Variants in EPHX2 observed in about 807,000 individuals in gnomAD.
The protein encoded by EPHX2 is epoxide hydrolase 2.
A neutral mutation model predicts 78.7 loss-of-function variants in EPHX2; 74 were observed. The ratio of observed to expected loss-of-function variants is 0.94; its 90% CI spans 0.78 to 1.14. EPHX2 has a LOEUF of 1.14. EPHX2 is among the 50% of genes most tolerant of loss of function. EPHX2 has a pLI of 0.00. For missense variants in EPHX2, 715 were observed against 702.5 expected (o/e 1.02, Z -0.20); for synonymous variants, 251 against 255.2 (o/e 0.98, Z 0.16).
chr8:27,529,359 T>C (rs1814956150), intron 12 of EPHX2, among the ~76,000 whole-genome samples: 1 of 152,204 alleles, frequency 6.6e-6, no homozygotes, highest in African/African-American at 2.4e-5. Context: ...GCTGGGTCAT[T>C]TCAGCTTAGC....
In EPHX2 at chr8:27,544,544, C is replaced by T. The variant is rs776419985; in HGVS notation, c.*22C>T. ...GTAGAACGCAGCGTGTGCCCACGCT[C>T]AGCAGGTGTGCCATCCTTCCACCTG... On this transcript the variant is annotated 3_prime_UTR_variant, in exon 19 of 19. Coordinates refer to ENST00000521400, the MANE Select transcript of EPHX2 (RefSeq NM_001979.6). The T allele has an allele frequency of 1.9e-6, 3 of 1,612,058 alleles. No individual in the cohort carries two copies. Among genetic ancestry groups the T allele is most frequent in the Non-Finnish European group, 1.7e-6 (2 of 1,179,066 alleles).
chr8:27,520,051 C>T (rs549478072), intron 9 of EPHX2, among the ~76,000 whole-genome samples: 7 of 151,536 alleles, frequency 4.6e-5, no homozygotes, highest in Admixed American at 2.6e-4. Flanking sequence ...TATGTTGCCC[C>T]GGTTGGTCTT....
At chr8:27,511,991 C>A in intron 6 of EPHX2, 81 bp downstream of exon 6, 1 of 1,394,950 alleles carries the variant, frequency 7.2e-7, no homozygotes, top group Non-Finnish European at 1.0e-6. Flanking sequence ...ACCCAAGAGG[C>A]TGAGCTGTGA....
At chr8:27,521,011 G>T (rs1189917813) in intron 10 of EPHX2, 102 bp downstream of exon 10, 3 of 1,457,556 alleles carry the variant, frequency 2.1e-6, no homozygotes, top group Non-Finnish European at 1.9e-6. Context: ...GGGCAGGGAG[G>T]GCCCATTTTG....
chr8:27,517,968 G>T, intron 8 of EPHX2, 70 bp from the exon 9 acceptor site: 2 of 1,266,936 alleles, frequency 1.6e-6, no homozygotes, highest in Non-Finnish European at 2.2e-6. Context: ...TTTGCAAAAA[G>T]GTCCTTTTGA....
intron 12 of EPHX2, among the ~76,000 whole-genome samples, chr8:27,530,924 C>T (rs557756727): frequency 2.6e-5 from 4 of 152,102 alleles, no homozygotes; most frequent in East Asian, 1.9e-4. Flanking sequence ...CCACCACGCA[C>T]GGCTAATTTT....
At chr8:27,522,222 G>T (rs1158612167) in intron 10 of EPHX2, among the ~76,000 whole-genome samples, 1 of 152,222 alleles carries the variant, frequency 6.6e-6, no homozygotes. Context: ...GGTCTCCTAA[G>T]CAGATGTAAA....
intron 14 of EPHX2, among the ~76,000 whole-genome samples, chr8:27,540,144 T>A (rs903638607): frequency 1.3e-5 from 2 of 152,102 alleles, no homozygotes; most frequent in East Asian, 1.9e-4. Flanking sequence ...CAAATCCTTA[T>A]GAAAATTCCA....
At chr8:27,499,906 C>T (rs535660348) in intron 1 of EPHX2, among the ~76,000 whole-genome samples, 2 of 152,146 alleles carry the variant, frequency 1.3e-5, no homozygotes, top group Non-Finnish European at 2.9e-5. Context: ...CTTATAAGGG[C>T]ACCAGTCCTA....
chr8:27,536,943 G>A lies in EPHX2; in HGVS notation c.1242+88G>A, dbSNP rs1307884334. ...TAGTGTGTGGCAGGGACCAGGAGTAGCAATCTGGCCTCCTTTTCTTTCATT... is the reference window on the plus strand; with the variant it reads ...TAGTGTGTGGCAGGGACCAGGAGTAACAATCTGGCCTCCTTTTCTTTCATT... On this transcript the variant is annotated intron_variant, in intron 13 of 18. Coordinates refer to ENST00000521400, the MANE Select transcript of EPHX2 (RefSeq NM_001979.6). 5.8e-6 allele frequency: 8 copies of A among 1,385,522 alleles called. No individual in the cohort carries two copies. In the African/African-American group the frequency reaches 1.0e-4, roughly 17 times the overall value. 85.8% of individuals were successfully genotyped at this position (1,385,522 alleles called of 1,614,324 possible). A position where few individuals can be genotyped will look rare whatever the true frequency, so the allele number is the denominator to read the frequency against.
At chr8:27,496,149 A>T (rs551698874) in intron 1 of EPHX2, among the ~76,000 whole-genome samples, 4 of 152,274 alleles carry the variant, frequency 2.6e-5, no homozygotes, top group East Asian at 3.9e-4. Flanking sequence ...TTAGGCCTAG[A>T]TATTTGACTT....
At chr8:27,508,658 AG>A in intron 5 of EPHX2, among the ~76,000 whole-genome samples, 1 of 152,240 alleles carries the variant, frequency 6.6e-6, no homozygotes, top group South Asian at 2.1e-4. Flanking sequence ...TCTCAGGGGT[AG>A]GAGGAAGAGG....
chr8:27,514,392 A>T (rs1814373700), intron 6 of EPHX2, among the ~76,000 whole-genome samples: 2 of 152,272 alleles, frequency 1.3e-5, no homozygotes, highest in South Asian at 4.1e-4. Context: ...TTCCACGTGA[A>T]TTTCTATAAT....
chr8:27,516,169 T>C (rs1034891751), intron 7 of EPHX2, 151 bp from the exon 8 acceptor site: 2 of 791,816 alleles, frequency 2.5e-6, no homozygotes. Flanking sequence ...ATAAATGGGC[T>C]TATTTCAGCT....
At chr8:27,507,683 G>A (rs778481149) in intron 5 of EPHX2, among the ~76,000 whole-genome samples, 5 of 152,220 alleles carry the variant, frequency 3.3e-5, no homozygotes, top group Non-Finnish European at 7.3e-5. Flanking sequence ...AAGTAGGTTA[G>A]TTTGCTCGGG....
At chr8:27,501,207 G>A (rs992775396) in intron 2 of EPHX2, among the ~76,000 whole-genome samples, 197 bp downstream of exon 2, 9 of 152,106 alleles carry the variant, frequency 5.9e-5, no homozygotes, top group African/African-American at 9.7e-5. Flanking sequence ...AATGGTGAAC[G>A]AAAACTGTGA....
At chr8:27,517,005 TG>T (rs1332391639) in intron 8 of EPHX2, among the ~76,000 whole-genome samples, 9 of 150,106 alleles carry the variant, frequency 6.0e-5, no homozygotes, top group Admixed American at 6.7e-5. Flanking sequence ...CTGCAACCTC[TG>T]CCTCCTGGGT....
Position 27,516,410 on chromosome 8 carries a change from G to C in EPHX2, c.910+12G>C, listed in dbSNP as rs200823982. The C allele has an allele frequency of 4.8e-5, 77 of 1,613,174 alleles. No individual in the cohort carries two copies. The highest frequency in any genetic ancestry group is 6.7e-5 in the Admixed American group (4 of 59,986). On this transcript the variant is annotated intron_variant, in intron 8 of 18. Transcript: ENST00000521400. ...ATCTGCTCCTCCCGGTGGGTGTGCT[G>C]TCTTGCAGCTGTCTTATGCTGGTCT...
chr8:27,542,574 G>T (rs72478904), intron 16 of EPHX2, among the ~76,000 whole-genome samples: 1 of 152,164 alleles, frequency 6.6e-6, no homozygotes, highest in Non-Finnish European at 1.5e-5. Context: ...CTCTCAAAGC[G>T]TGGAGGAAAA....
Sources: allele counts gnomAD v4.1 joint callset (sites outside exome capture counted in the v4.1 genomes callset), GRCh38; gene constraint gnomAD v4.1.1; transcripts MANE v1.5; gene names NCBI Gene and HGNC (gene_info 2026-07-23, HGNC 2026-07-21).